The following GNAI1 variants were observed in gnomAD, a reference collection of about 807,000 sequenced individuals.
GNAI1 encodes the protein G protein subunit alpha i1.
Under a neutral mutation model 38.9 loss-of-function variants are expected in GNAI1, and 11 were observed. The observed-to-expected ratio is 0.28, with a 90% CI of 0.18 to 0.47. The LOEUF is 0.47. Ranked by LOEUF, GNAI1 falls within the 20% of genes least tolerant of loss-of-function variation. The pLI is 0.99. For missense variants in GNAI1, 317 were observed against 436.9 expected (o/e 0.73, Z 2.45); for synonymous variants, 166 against 145.1 (o/e 1.14, Z -1.04).
At chr7:80,141,251 C>A (rs541127785) in intron 1 of GNAI1, among the ~76,000 whole-genome samples, 2 of 152,308 alleles carry the variant, frequency 1.3e-5, no homozygotes, top group South Asian at 2.1e-4. Flanking sequence ...TGCATTCACC[C>A]TCTCCCAACA....
Position 80,135,071 on chromosome 7 carries a change from C to A in GNAI1, c.-90C>A, listed in dbSNP as rs1003907691. 2 of 844,054 alleles carry A rather than the reference C, an allele frequency of 2.4e-6. No individual in the cohort carries two copies. The highest frequency in any genetic ancestry group is 3.2e-5 in the East Asian group (1 of 31,170). The allele number at this position is 844,054 out of a possible 1,614,324, so 52.3% of individuals were successfully genotyped here. The stretch of plus-strand genomic sequence containing the variant: ...TGGCCCCCGTCGGGAGGCGTTCGAA[C>A]GCCCGCTAGGAGAGAGAAAGGATTC... On this transcript the variant is annotated 5_prime_UTR_variant, in exon 1 of 8. Transcript: ENST00000649796.
chr7:80,211,653 A>C (rs1317010111), intron 6 of GNAI1, among the ~76,000 whole-genome samples: 1 of 152,162 alleles, frequency 6.6e-6, no homozygotes, highest in Non-Finnish European at 1.5e-5. Context: ...TCCTGACCTC[A>C]GATGAGCCAC....
At chr7:80,161,481 G>A (rs35334177) in intron 1 of GNAI1, among the ~76,000 whole-genome samples, 19,588 of 152,116 alleles carry the variant, frequency 0.13, 1,594 homozygotes, top group South Asian at 0.24. Context: ...TTTTAAAAAT[G>A]TCAACTATTT....
chr7:80,202,150 C>T (rs993299579), intron 4 of GNAI1, among the ~76,000 whole-genome samples: 5 of 152,060 alleles, frequency 3.3e-5, no homozygotes, highest in Non-Finnish European at 1.5e-5. Context: ...AGTGCAGTGA[C>T]GTGATCTTGG....
intron 1 of GNAI1, among the ~76,000 whole-genome samples, chr7:80,169,263 G>C (rs1361083113): frequency 1.3e-5 from 2 of 152,156 alleles, no homozygotes; most frequent in African/African-American, 4.8e-5. Flanking sequence ...TGTTGTGACT[G>C]TTAAAAGGCC....
At chr7:80,196,726 A>G (rs1247713344) in intron 3 of GNAI1, among the ~76,000 whole-genome samples, 2 of 151,930 alleles carry the variant, frequency 1.3e-5, no homozygotes, top group African/African-American at 2.4e-5. Flanking sequence ...CTGAAAGCTC[A>G]TCTACAGACA....
In GNAI1 at chr7:80,165,370, GTTCT is replaced by G. The variant is rs1350806438; in HGVS notation, c.119-23574_119-23571del. ...GATCTGTTGCATTAGATTCACTTTT[GTTCT>G]TTCTTTGTCATTTAAAGGGCTGTTA... On this transcript the variant is annotated intron_variant, in intron 1 of 7. Coordinates refer to ENST00000649796, the MANE Select transcript of GNAI1 (RefSeq NM_002069.6). 7.9e-5 allele frequency among the ~76,000 whole-genome samples: 12 copies of G among 152,064 alleles called. No homozygotes were observed. The East Asian group carries it at 1.9e-3, about 24-fold the overall frequency.
At chr7:80,207,679 T>C (rs1367076771) in intron 5 of GNAI1, among the ~76,000 whole-genome samples, 2 of 149,816 alleles carry the variant, frequency 1.3e-5, no homozygotes, top group South Asian at 4.1e-4. Context: ...CTGGGAACTC[T>C]TGAGTGTGGT....
chr7:80,185,310 C>G (rs1192730391), intron 1 of GNAI1, among the ~76,000 whole-genome samples: 1 of 152,140 alleles, frequency 6.6e-6, no homozygotes, highest in Non-Finnish European at 1.5e-5. Context: ...CATTTGCATC[C>G]TGGTTGTTCC....
In GNAI1 at chr7:80,224,978, A is replaced by G. The variant is rs1249371138; in HGVS notation, c.*7485A>G. ...AAATGCTTTATTTTTCTTCCACAAC[A>G]ACTCTATTTGCATTGCATGGAAATG... On this transcript the variant is annotated 3_prime_UTR_variant, in exon 8 of 8. Transcript: ENST00000649796. Among the ~76,000 whole-genome samples, 1 of 152,182 alleles carries G rather than the reference A, an allele frequency of 6.6e-6. No individual in the cohort carries two copies. The highest frequency in any genetic ancestry group is 1.5e-5 in the Non-Finnish European group (1 of 68,032).
At chr7:80,186,948 T>G (rs1216020661) in intron 1 of GNAI1, 47 of 152,202 alleles carry the variant, frequency 3.1e-4, no homozygotes, top group Admixed American at 3.1e-3. Flanking sequence ...AAATAATGGG[T>G]TGTTTATCTT....
rs148712760 is a variant in GNAI1, at chr7:80,219,411, T to A, written c.*1918T>A. 903 of 152,728 alleles carry A rather than the reference T, an allele frequency of 5.9e-3. 5 individuals are homozygous for A. Among genetic ancestry groups the A allele is most frequent in the Middle Eastern group, 0.01 (3 of 294 alleles). The allele number at this position is 152,728 out of a possible 1,614,324, so 9.5% of individuals were successfully genotyped here. On this transcript the variant is annotated 3_prime_UTR_variant, in exon 8 of 8. Coordinates refer to ENST00000649796, the MANE Select transcript of GNAI1 (RefSeq NM_002069.6). ...TTAAATTTTTAAAATTTTACAAACC[T>A]ATTGGCTAAGTACATTTTGGATTAG...
chr7:80,162,739 T>G (rs1303921826), intron 1 of GNAI1, among the ~76,000 whole-genome samples: 1 of 152,118 alleles, frequency 6.6e-6, no homozygotes, highest in Non-Finnish European at 1.5e-5. Context: ...CTGGGATAAG[T>G]AATAAAATGG....
chr7:80,182,739 A>G (rs1788316318), intron 1 of GNAI1, among the ~76,000 whole-genome samples: 1 of 121,386 alleles, frequency 8.2e-6, no homozygotes, highest in South Asian at 3.3e-4. Context: ...GAGATTGAAA[A>G]GACAAAAGAC....
chr7:80,174,296 T>C (rs1788145536), intron 1 of GNAI1, among the ~76,000 whole-genome samples: 1 of 152,286 alleles, frequency 6.6e-6, no homozygotes, highest in East Asian at 1.9e-4. Context: ...ATCATTGTTC[T>C]GAGTTTTAAT....
chr7:80,138,439 C>T (rs2116063081), intron 1 of GNAI1, among the ~76,000 whole-genome samples: 1 of 152,156 alleles, frequency 6.6e-6, no homozygotes, highest in Non-Finnish European at 1.5e-5. Flanking sequence ...AGTTTTTATG[C>T]TTATTAGGAT....
rs57485323 is a variant in GNAI1, at chr7:80,219,027, TTGTGTGTGTGTGTGTGTG to T, written c.*1550_*1567del. The stretch of plus-strand genomic sequence containing the variant: ...GTGTTGTCACTGGGTTGAAGTATAT[TTGTGTGTGTGTGTGTGTG>T]TGTGTGTGTGTGTGTAACCATAAAC... On this transcript the variant is annotated 3_prime_UTR_variant, in exon 8 of 8. Coordinates refer to ENST00000649796, the MANE Select transcript of GNAI1 (RefSeq NM_002069.6). 3.4e-5 allele frequency: 5 copies of T among 145,836 alleles called. No individual in the cohort carries two copies. Among genetic ancestry groups the T allele is most frequent in the African/African-American group, 7.6e-5 (3 of 39,220 alleles). 9.0% of individuals were successfully genotyped at this position (145,836 alleles called of 1,614,324 possible). A position where few individuals can be genotyped will look rare whatever the true frequency, so the allele number is the denominator to read the frequency against.
At chr7:80,180,781 T>C (rs1450801195) in intron 1 of GNAI1, among the ~76,000 whole-genome samples, 1 of 152,126 alleles carries the variant, frequency 6.6e-6, no homozygotes, top group Non-Finnish European at 1.5e-5. Flanking sequence ...TTGTGTCCAC[T>C]TTAACTCTCA....
At chr7:80,140,045 G>A (rs1357853741) in intron 1 of GNAI1, among the ~76,000 whole-genome samples, 2 of 148,138 alleles carry the variant, frequency 1.4e-5, no homozygotes, top group Admixed American at 6.8e-5. Flanking sequence ...GTGCAGTGGC[G>A]CAGTCTCCGC....
Sources: gnomAD v4.1 joint callset for allele counts (sites outside exome capture counted in the v4.1 genomes callset) on GRCh38, gnomAD v4.1.1 for gene constraint, MANE v1.5 for transcripts, NCBI Gene and HGNC (gene_info 2026-07-23, HGNC 2026-07-21) for gene names.